Variants in NOS1 observed in about 807,000 individuals in gnomAD.
NOS1 encodes the protein nitric oxide synthase 1, also known as NOS type I.
NOS1 carries 51 observed loss-of-function variants against 164.5 expected under a neutral mutation model. The observed-to-expected ratio is 0.31, with a 90% confidence interval of 0.25 to 0.39. NOS1 has a LOEUF of 0.39. NOS1 is among the 10% of genes least tolerant of loss of function. The probability of loss-of-function intolerance (pLI) is 1.00; values close to 1 mark genes in which losing one functional copy is unlikely to be tolerated. For missense variants in NOS1, 1,362 were observed against 1,885.6 expected, an observed-to-expected ratio of 0.72 and a Z score of 5.14; for synonymous variants, 719 against 745.8, an observed-to-expected ratio of 0.96 and a Z score of 0.59.
At chr12:117,360,136 T>G in intron 1 of NOS1, among the ~76,000 whole-genome samples, 1 of 149,126 alleles carries the variant, frequency 6.7e-6, no homozygotes, top group Non-Finnish European at 1.5e-5. Flanking sequence ...CCCAGGGGAG[T>G]CACTGGAAAG....
rs766590529 is a variant in NOS1 at position 117,215,288 on chromosome 12, C to A, written c.*21G>T. 1.3e-6 allele frequency: 2 copies of A among 1,546,608 alleles called. No individual in the cohort carries two copies. Among genetic ancestry groups the A allele is most frequent in the South Asian group, 2.5e-5 (2 of 80,360 alleles). ...TGTCCGCGCTTACAAAACTTGCAGC[C>A]GGCTGGGCAAGAGGGTCCAGTTAGG... On this transcript the variant is annotated 3_prime_UTR_variant, in exon 29 of 29. Coordinates refer to ENST00000317775, the MANE Select transcript of NOS1 (RefSeq NM_000620.5).
intron 21 of NOS1, among the ~76,000 whole-genome samples, chr12:117,232,621 G>T (rs1473054781): frequency 6.6e-6 from 1 of 152,072 alleles, no homozygotes; most frequent in East Asian, 1.9e-4. Context: ...TCTTCTCCCT[G>T]CTGAGAAAAA....
At chr12:117,305,114 G>A in intron 3 of NOS1, 1 of 970,740 alleles carries the variant, frequency 1.0e-6, no homozygotes, top group Non-Finnish European at 1.2e-6. Context: ...AACAATGCTA[G>A]GCCCCCTGTG....
chr12:117,255,819 G>T, intron 16 of NOS1: 1 of 513,796 alleles, frequency 1.9e-6, no homozygotes, highest in Non-Finnish European at 3.2e-6. Flanking sequence ...TAGTGACACA[G>T]CTCAGGTTAG....
intron 3 of NOS1, chr12:117,302,102 T>C (rs1340538647): frequency 2.6e-5 from 12 of 456,612 alleles, no homozygotes; most frequent in South Asian, 1.5e-4. Flanking sequence ...CAGTATTTCA[T>C]TGGGTTGAGC....
At chr12:117,291,365 C>T (rs1873043074) in intron 3 of NOS1, among the ~76,000 whole-genome samples, 1 of 152,108 alleles carries the variant, frequency 6.6e-6, no homozygotes, top group Non-Finnish European at 1.5e-5. Context: ...TCTTGAACAC[C>T]TACATGGAAA....
At chr12:117,350,582 A>C (rs1049278195) in intron 1 of NOS1, among the ~76,000 whole-genome samples, 1 of 152,232 alleles carries the variant, frequency 6.6e-6, no homozygotes, top group Admixed American at 6.5e-5. Flanking sequence ...ACCCTACAGA[A>C]AACTGAAGAC....
chr12:117,226,801 C>T (rs777829420), intron 23 of NOS1, 31 bp from the exon 24 acceptor site: 3 of 1,573,846 alleles, frequency 1.9e-6, no homozygotes, highest in East Asian at 2.2e-5. Context: ...GTCAGGGCCA[C>T]CCACTGCTCC....
chr12:117,311,228 A>G (rs1476923791), intron 3 of NOS1, among the ~76,000 whole-genome samples: 4 of 118,852 alleles, frequency 3.4e-5, no homozygotes, highest in Non-Finnish European at 6.7e-5. Context: ...GAAGAAACAG[A>G]ATTAAAATGT....
chr12:117,300,579 A>G (rs773340881), intron 3 of NOS1, among the ~76,000 whole-genome samples: 7 of 152,008 alleles, frequency 4.6e-5, no homozygotes, highest in Non-Finnish European at 8.8e-5. Context: ...TCTGGGATGG[A>G]GAGAGACTGT....
chr12:117,255,825 G>T, intron 16 of NOS1: 1 of 558,450 alleles, frequency 1.8e-6, no homozygotes, highest in East Asian at 3.3e-5. Flanking sequence ...CACAGCTCAG[G>T]TTAGAACTCG....
chr12:117,215,535 C>T (rs537487013), intron 28 of NOS1, among the ~76,000 whole-genome samples: 10 of 151,674 alleles, frequency 6.6e-5, no homozygotes, highest in Non-Finnish European at 1.3e-4. Flanking sequence ...AGGGTTCAAG[C>T]GATTCTCCTG....
intron 24 of NOS1, among the ~76,000 whole-genome samples, chr12:117,225,721 GT>G (rs879558767): frequency 1.3e-5 from 2 of 152,074 alleles, no homozygotes; most frequent in Non-Finnish European, 2.9e-5. Context: ...CACTTCCCAG[GT>G]TCAAGCAATT....
At chr12:117,275,263 C>T (rs1190650990) in intron 9 of NOS1, among the ~76,000 whole-genome samples, 2 of 151,518 alleles carry the variant, frequency 1.3e-5, no homozygotes, top group Non-Finnish European at 2.9e-5. Context: ...GAGTCATGAA[C>T]TCCAAATTAA....
chr12:117,209,464 G>A lies in NOS1; in HGVS notation c.*5845C>T, dbSNP rs1423248965. 6.1e-6 allele frequency: 6 copies of A among 985,334 alleles called. No homozygotes were observed. Among genetic ancestry groups the A allele is most frequent in the Non-Finnish European group, 7.2e-6 (6 of 829,956 alleles). 61.0% of individuals were successfully genotyped at this position (985,334 alleles called of 1,614,324 possible). On this transcript the variant is annotated 3_prime_UTR_variant, in exon 29 of 29. Coordinates refer to ENST00000317775, the MANE Select transcript of NOS1 (RefSeq NM_000620.5). ...CAAATCTGGGCACTTCGATGTCCTGGAGTTACTTTCTAAAAGACTACAGGA... is the reference window on the plus strand; with the variant it reads ...CAAATCTGGGCACTTCGATGTCCTGAAGTTACTTTCTAAAAGACTACAGGA...
intron 3 of NOS1, among the ~76,000 whole-genome samples, chr12:117,308,704 C>G (rs575187131): frequency 5.3e-5 from 8 of 151,712 alleles, no homozygotes; most frequent in African/African-American, 1.9e-4. Flanking sequence ...TCAAGCGATT[C>G]TCCTGCCTCA....
chr12:117,213,897 G>A lies in NOS1; in HGVS notation c.*1412C>T, dbSNP rs1956564769. ...TACTCTGAGAGAGTAAATTCAACAG[G>A]TTGCCTCTTAGGGAGGAATTACACC... On this transcript the variant is annotated 3_prime_UTR_variant, in exon 29 of 29. Coordinates refer to ENST00000317775, the MANE Select transcript of NOS1 (RefSeq NM_000620.5). 1 of 985,242 alleles carries A rather than the reference G, an allele frequency of 1.0e-6. No individual in the cohort carries two copies. The highest frequency in any genetic ancestry group is 1.2e-6 in the Non-Finnish European group (1 of 829,920). 61.0% of individuals were successfully genotyped at this position (985,242 alleles called of 1,614,324 possible). A position where few individuals can be genotyped will look rare whatever the true frequency, so the allele number is the denominator to read the frequency against.
chr12:117,254,295 C>T (rs750195036), intron 16 of NOS1, among the ~76,000 whole-genome samples: 19 of 152,122 alleles, frequency 1.2e-4, no homozygotes, highest in African/African-American at 3.4e-4. Flanking sequence ...TTAGTAGAGA[C>T]GGGGTTTCAC....
intron 16 of NOS1, among the ~76,000 whole-genome samples, chr12:117,256,746 G>C (rs1456442343): frequency 6.6e-6 from 1 of 152,036 alleles, no homozygotes; most frequent in Non-Finnish European, 1.5e-5. Context: ...ATACCTTATG[G>C]GGGATGCAAG....
Sources: allele counts gnomAD v4.1 joint callset (sites outside exome capture counted in the v4.1 genomes callset), GRCh38; gene constraint gnomAD v4.1.1; transcripts MANE v1.5; gene names NCBI Gene and HGNC (gene_info 2026-07-23, HGNC 2026-07-21).